HLTF: variants seen among roughly 807,000 people sequenced by gnomAD.
HLTF encodes helicase like transcription factor, also known as DNA-dependent ATPase/E3 ubiquitin-protein ligase HLTF.
Under a neutral mutation model 129.4 loss-of-function variants are expected in HLTF, and 127 were observed. The ratio of observed to expected loss-of-function variants is 0.98; its 90% CI spans 0.85 to 1.14. HLTF has a LOEUF of 1.14. Among genes scored for constraint, HLTF ranks in the 50% most tolerant of loss-of-function variants. HLTF has a pLI of 0.00. For synonymous variants in HLTF, 332 were observed against 388.8 expected (o/e 0.85, Z 1.72); for missense variants, 1,139 against 1,187.1 (o/e 0.96, Z 0.60).
At chr3:149,062,314 T>C (rs1718020718) in intron 10 of HLTF, among the ~76,000 whole-genome samples, 1 of 152,214 alleles carries the variant, frequency 6.6e-6, no homozygotes, top group Admixed American at 6.5e-5. Context: ...AGTGTTGTGT[T>C]ACCCAGGTTT....
chr3:149,084,319 T>G (rs1232027434), intron 2 of HLTF, among the ~76,000 whole-genome samples: 1 of 147,484 alleles, frequency 6.8e-6, no homozygotes, highest in Non-Finnish European at 1.5e-5. Context: ...TTGAGAAGCT[T>G]AAACATAAGA....
chr3:149,068,436 T>C, intron 7 of HLTF, 101 bp from the exon 8 acceptor site: 1 of 593,408 alleles, frequency 1.7e-6, no homozygotes. Flanking sequence ...TCAAATATCA[T>C]TCAAGGTCAC....
intron 3 of HLTF, among the ~76,000 whole-genome samples, chr3:149,075,510 C>G (rs1303470505): frequency 6.6e-6 from 1 of 152,230 alleles, no homozygotes; most frequent in Non-Finnish European, 1.5e-5. Context: ...CACAACTGCA[C>G]TGCAGCCTGG....
chr3:149,041,808 A>ACCTGTC, intron 19 of HLTF, 140 bp from the exon 20 acceptor site: 1 of 655,620 alleles, frequency 1.5e-6, no homozygotes. Context: ...CATAATTTAA[A>ACCTGTC]TTTGAAATTT....
At chr3:149,059,242 T>C (rs758731371) in intron 13 of HLTF, 1 of 233,004 alleles carries the variant, frequency 4.3e-6, no homozygotes, top group African/African-American at 2.3e-5. Flanking sequence ...TCTCAGATCT[T>C]CTCAACCTTA....
intron 24 of HLTF, among the ~76,000 whole-genome samples, chr3:149,033,476 C>T (rs184597368): frequency 6.6e-6 from 1 of 152,112 alleles, no homozygotes; most frequent in East Asian, 1.9e-4. Flanking sequence ...GTCATCAGAA[C>T]ATTTTACCCT....
At chr3:149,065,004 G>A (rs1028678058) in intron 8 of HLTF, 138 bp from the exon 9 acceptor site, 1 of 472,358 alleles carries the variant, frequency 2.1e-6, no homozygotes, top group Non-Finnish European at 3.7e-6. Flanking sequence ...AACTGAAGGG[G>A]AGGGTGAATA....
Position 149,046,248 on chromosome 3 carries a change from G to A in HLTF, c.1904C>T (p.Ser635Phe). 6.5e-7 allele frequency: 1 copy of A among 1,530,858 alleles called. No individual in the cohort carries two copies. Among genetic ancestry groups the A allele is most frequent in the Non-Finnish European group, 9.0e-7 (1 of 1,113,920 alleles). 94.8% of individuals were successfully genotyped at this position (1,530,858 alleles called of 1,614,324 possible). Residue 635 changes from serine to phenylalanine, a missense_variant, in exon 18 of 25, where the codon TCC (serine) becomes TTC (phenylalanine). Transcript: ENST00000310053. Reference sequence around the variant, plus strand: ...TCTAAGTGTAATATTTTTAATTAGGGACTGTAAACGCCTAATCAGAATAAA... The same window carrying A: ...TCTAAGTGTAATATTTTTAATTAGGAACTGTAAACGCCTAATCAGAATAAA... Reference protein sequence around the residue: ...GDEGGLRRLQSLIKNITLRRT... With the variant: ...GDEGGLRRLQFLIKNITLRRT...
At chr3:149,048,835 G>A (rs762769825) in intron 16 of HLTF, 28 bp downstream of exon 16, 2 of 1,575,364 alleles carry the variant, frequency 1.3e-6, no homozygotes, top group East Asian at 4.5e-5. Flanking sequence ...GAGATTTAAG[G>A]TTTTAGTAAG....
chr3:149,061,354 T>C (rs1717930037), intron 10 of HLTF, among the ~76,000 whole-genome samples: 1 of 151,720 alleles, frequency 6.6e-6, no homozygotes, highest in African/African-American at 2.4e-5. Context: ...GAGTTTCCAG[T>C]GAGCGGAGAT....
intron 2 of HLTF, 70 bp downstream of exon 2, chr3:149,084,612 C>T (rs1214681021): frequency 8.1e-6 from 9 of 1,110,100 alleles, no homozygotes; most frequent in African/African-American, 1.6e-5. Flanking sequence ...ACATCACCTG[C>T]GAATTCTCTT....
Position 149,046,063 on chromosome 3 carries a change from G to A in HLTF, c.2072+17C>T. On this transcript the variant is annotated intron_variant, in intron 18 of 24. Transcript: ENST00000310053. ...TAAACAAAAACTAATTTTTAACATG[G>A]TTTTCTTTCTCCATACCTTCCAATA... 1 of 1,572,852 alleles carries A rather than the reference G, an allele frequency of 6.4e-7. No individual in the cohort carries two copies. The highest frequency in any genetic ancestry group is 8.6e-7 in the Non-Finnish European group (1 of 1,160,568).
chr3:149,078,780 C>G (rs1207342342), intron 2 of HLTF, among the ~76,000 whole-genome samples: 1 of 150,990 alleles, frequency 6.6e-6, no homozygotes, highest in Non-Finnish European at 1.5e-5. Flanking sequence ...TGATGTGAAC[C>G]TGGGAGGCAG....
At position 149,030,301 on chromosome 3, in the gene HLTF, ATATTTATCCTT is replaced by A. The variant is rs918207626; in HGVS notation, c.*1908_*1918del. ...GTTTTCATTCCAGTGGCTTTTTTAT[ATATTTATCCTT>A]CTTAGGAAGGACAAATTAAATTTTT... On this transcript the variant is annotated 3_prime_UTR_variant, in exon 25 of 25. Coordinates refer to ENST00000310053, the MANE Select transcript of HLTF (RefSeq NM_003071.4). The A allele has an allele frequency of 6.6e-6, 1 of 152,204 alleles. No homozygotes were observed. The highest frequency in any genetic ancestry group is 2.4e-5 in the African/African-American group (1 of 41,460). The allele number at this position is 152,204 out of a possible 1,614,324, so 9.4% of individuals were successfully genotyped here.
chr3:149,052,077 C>T (rs7635712), intron 14 of HLTF: 44,923 of 149,962 alleles, frequency 0.3, 6,654 homozygotes, highest in East Asian at 0.32. Flanking sequence ...TCACTTGAAC[C>T]TGGGAGGTGG....
chr3:149,050,768 A>G (rs1716917455), intron 14 of HLTF, among the ~76,000 whole-genome samples: 1 of 152,244 alleles, frequency 6.6e-6, no homozygotes, highest in East Asian at 1.9e-4. Context: ...ATGTGGGCAG[A>G]GATTCAAGCA....
Position 149,086,343 on chromosome 3 carries a change from G to A in HLTF, c.-7C>T, listed in dbSNP as rs1720422234. The stretch of plus-strand genomic sequence containing the variant: ...TCTTGAACATCCAGGACATGGCGCT[G>A]AGTGGGATGACAAGAGGAGCGCCTC... On this transcript the variant is annotated 5_prime_UTR_variant, in exon 1 of 25. Coordinates refer to ENST00000310053, the MANE Select transcript of HLTF (RefSeq NM_003071.4). The A allele has an allele frequency of 2.5e-6, 4 of 1,593,062 alleles. No individual in the cohort carries two copies. The highest frequency in any genetic ancestry group is 2.6e-6 in the Non-Finnish European group (3 of 1,169,342).
chr3:149,039,478 G>T, intron 22 of HLTF, 103 bp downstream of exon 22: 1 of 642,548 alleles, frequency 1.6e-6, no homozygotes, highest in Non-Finnish European at 2.6e-6. Flanking sequence ...CAGATAAAAT[G>T]ACTAAAACTG....
At position 149,060,838 on chromosome 3, in the gene HLTF, TACTGG is replaced by T; in HGVS notation, c.1176_1180del (p.Gln393HisfsTer5). 1 of 1,612,172 alleles carries T rather than the reference TACTGG, an allele frequency of 6.2e-7. No homozygotes were observed. Among genetic ancestry groups the T allele is most frequent in the Non-Finnish European group, 8.5e-7 (1 of 1,178,654 alleles). On this transcript the variant is annotated frameshift_variant, in exon 11 of 25. Transcript: ENST00000310053. LOFTEE classifies it high-confidence loss of function. ...TTCCTCTGAATCACTGCTTTCTATG[TACTGG>T]ACAGCAGTTTTTCTTCTAAAATTAA...
Sources: allele counts gnomAD v4.1 joint callset (sites outside exome capture counted in the v4.1 genomes callset), GRCh38; gene constraint gnomAD v4.1.1; transcripts MANE v1.5; gene names NCBI Gene and HGNC (gene_info 2026-07-23, HGNC 2026-07-21).